AS3MT: variants seen among roughly 807,000 people sequenced by gnomAD.
AS3MT encodes the protein arsenite methyltransferase.
In AS3MT, 47 loss-of-function variants were observed where a neutral mutation model predicts 45.3. The observed-to-expected ratio is 1.04, with a 90% confidence interval of 0.82 to 1.32. AS3MT has a LOEUF of 1.32. AS3MT is among the 40% of genes most tolerant of loss of function. AS3MT has a pLI of 0.00. For missense variants in AS3MT, 396 were observed against 451.1 expected (o/e 0.88, Z 1.11); for synonymous variants, 141 against 152.8 (o/e 0.92, Z 0.57).
At chr10:102,877,647 A>G (rs1306412105) in intron 7 of AS3MT, among the ~76,000 whole-genome samples, 1 of 150,252 alleles carries the variant, frequency 6.7e-6, no homozygotes, top group Non-Finnish European at 1.5e-5. Context: ...CTGAGTCAGG[A>G]GGATTGCTTG....
chr10:102,875,813 A>T (rs1389473723), intron 6 of AS3MT, among the ~76,000 whole-genome samples: 1 of 151,766 alleles, frequency 6.6e-6, no homozygotes, highest in Non-Finnish European at 1.5e-5. Flanking sequence ...AGTAGAGACA[A>T]GATTTCACCA....
At chr10:102,870,614 A>G (rs1844663472) in intron 3 of AS3MT, among the ~76,000 whole-genome samples, 1 of 152,208 alleles carries the variant, frequency 6.6e-6, no homozygotes, top group Non-Finnish European at 1.5e-5. Context: ...GTCCCTACCC[A>G]TGCTCACAGA....
chr10:102,893,645 G>A (rs1323785545), intron 10 of AS3MT, among the ~76,000 whole-genome samples: 1 of 152,044 alleles, frequency 6.6e-6, no homozygotes, highest in Non-Finnish European at 1.5e-5. Context: ...ACAGGTGCGT[G>A]CCACCATGCC....
intron 5 of AS3MT, 42 bp downstream of exon 5, chr10:102,873,275 TTTATTATTA>T (rs547139234): frequency 7.6e-7 from 1 of 1,322,330 alleles, no homozygotes; most frequent in Non-Finnish European, 1.0e-6. Context: ...GCCCATTTTC[TTTATTATTA>T]TTATTATTAT....
At chr10:102,885,552 C>A in intron 9 of AS3MT, among the ~76,000 whole-genome samples, 1 of 36,984 alleles carries the variant, frequency 2.7e-5, no homozygotes, top group Admixed American at 5.0e-4. Context: ...TTTTTTGAGA[C>A]GGAGTCTCGC....
intron 4 of AS3MT, 32 bp downstream of exon 4, chr10:102,872,630 AG>A (rs750316257): frequency 6.4e-7 from 1 of 1,568,422 alleles, no homozygotes; most frequent in Non-Finnish European, 8.6e-7. Flanking sequence ...AAGGAGAAAA[AG>A]ATTCTCAAAA....
rs375494650 is a variant in AS3MT, at chr10:102,873,501, G to T, written c.458+268G>T. 8.5e-5 allele frequency among the ~76,000 whole-genome samples: 13 copies of T among 152,208 alleles called. No individual in the cohort carries two copies. In the East Asian group the frequency reaches 1.2e-3, roughly 14 times the overall value. On this transcript the variant is annotated intron_variant, in intron 5 of 10. Transcript: ENST00000369880. ...GGGTTTCACCATGTTGGCCAGGCTG[G>T]TCTCAAACTCCTGATCTCAGGTGAT...
intron 9 of AS3MT, among the ~76,000 whole-genome samples, chr10:102,888,503 C>A (rs1019860263): frequency 2.6e-5 from 4 of 151,444 alleles, no homozygotes; most frequent in African/African-American, 9.7e-5. Context: ...CTCACTGCAA[C>A]CTCCACCTCC....
rs759723918 is a variant in AS3MT at position 102,890,556 on chromosome 10, G to A, written c.898G>A (p.Val300Ile). 10 of 1,598,216 alleles carry A rather than the reference G, an allele frequency of 6.3e-6. No individual in the cohort carries two copies. The East Asian group carries it at 6.7e-5, about 11-fold the overall frequency. ...ANFTFKEGEIVEVDEETAAIL... is the reference protein window; with the variant it reads ...ANFTFKEGEIIEVDEETAAIL... ...TACTACCCTTTAGGAAGGTGAAATT[G>A]TTGAAGTGGATGAAGAAACAGCAGC... Residue 300 changes from valine to isoleucine, a missense_variant, in exon 10 of 11, where the codon GTT becomes ATT. By Grantham distance (29) the Val-to-Ile change is conservative. Transcript: ENST00000369880.
intron 10 of AS3MT, among the ~76,000 whole-genome samples, chr10:102,897,822 A>G (rs1845203502): frequency 6.6e-6 from 1 of 151,922 alleles, no homozygotes; most frequent in East Asian, 1.9e-4. Flanking sequence ...GCAGATGACC[A>G]TTTTCTTTCT....
chr10:102,890,474 T>A, intron 9 of AS3MT, 70 bp from the exon 10 acceptor site: 1 of 1,347,500 alleles, frequency 7.4e-7, no homozygotes, highest in East Asian at 2.4e-5. Flanking sequence ...AAACGATACT[T>A]CTGGGCATTT....
At chr10:102,896,634 C>T (rs949416809) in intron 10 of AS3MT, among the ~76,000 whole-genome samples, 8 of 151,800 alleles carry the variant, frequency 5.3e-5, no homozygotes, top group Non-Finnish European at 1.0e-4. Context: ...GGTGAAACCC[C>T]GTCTCTACTA....
chr10:102,898,888 C>G (rs1845226547), intron 10 of AS3MT, among the ~76,000 whole-genome samples: 1 of 152,156 alleles, frequency 6.6e-6, no homozygotes, highest in Non-Finnish European at 1.5e-5. Context: ...GATTCTGGAG[C>G]TGGCACTCTA....
intron 9 of AS3MT, among the ~76,000 whole-genome samples, chr10:102,880,476 T>TTC (rs1844855383): frequency 6.6e-6 from 1 of 152,160 alleles, no homozygotes; most frequent in African/African-American, 2.4e-5. Flanking sequence ...CATTTCTCTT[T>TTC]TCTAGGCTTT....
In AS3MT at chr10:102,869,920, C is replaced by T. The variant is rs924649723; in HGVS notation, c.42+75C>T. 3.8e-6 allele frequency: 6 copies of T among 1,592,042 alleles called. No homozygotes were observed. The African/African-American group carries it at 5.4e-5, about 14-fold the overall frequency. On this transcript the variant is annotated intron_variant, in intron 2 of 10. Transcript: ENST00000369880. ...AAGTCTGGCCTGGCCCGCACCCTGTCCCCCGGGACTCCTGGAGTCGGGGTA... is the reference window on the plus strand; with the variant it reads ...AAGTCTGGCCTGGCCCGCACCCTGTTCCCCGGGACTCCTGGAGTCGGGGTA...
chr10:102,900,929 C>CA lies in AS3MT; in HGVS notation c.*237dup, dbSNP rs1026418373. 46 of 389,832 alleles carry CA rather than the reference C, an allele frequency of 1.2e-4. No individual in the cohort carries two copies. Among genetic ancestry groups the CA allele is most frequent in the East Asian group, 9.7e-5 (2 of 20,542 alleles). 24.1% of individuals were successfully genotyped at this position (389,832 alleles called of 1,614,324 possible). On this transcript the variant is annotated 3_prime_UTR_variant, in exon 11 of 11. Transcript: ENST00000369880. ...TGAAATCCTGTCTCTACCAAAAATA[C>CA]AAAAAAAATTAGCTGGGCATGGTGG...
At chr10:102,870,832 G>A (rs971072626) in intron 3 of AS3MT, among the ~76,000 whole-genome samples, 1 of 152,142 alleles carries the variant, frequency 6.6e-6, no homozygotes, top group Non-Finnish European at 1.5e-5. Flanking sequence ...CTACTGCATG[G>A]AGCCTTCTCT....
chr10:102,881,856 C>T lies in AS3MT; in HGVS notation c.885+2865C>T, dbSNP rs1252922055. Among the ~76,000 whole-genome samples, 1 of 152,070 alleles carries T rather than the reference C, an allele frequency of 6.6e-6. No homozygotes were observed. The highest frequency in any genetic ancestry group is 1.5e-5 in the Non-Finnish European group (1 of 68,022). On this transcript the variant is annotated intron_variant, in intron 9 of 10. Transcript: ENST00000369880. This position sits in a 1 kb window ranked among gnomAD's most constrained non-coding sequence, Gnocchi z 4.2. ...GCTCAAGCGATTCTCCCATCTCAGC[C>T]TCCCAAGTAGCTGGGACTACAGGCA...
intron 10 of AS3MT, among the ~76,000 whole-genome samples, chr10:102,892,984 CAAAA>C (rs1845097876): frequency 9.6e-6 from 1 of 104,008 alleles, no homozygotes; most frequent in African/African-American, 4.0e-5. Context: ...GACTCTGTCT[CAAAA>C]TAAATAAATA....
Sources: gnomAD v4.1 joint callset for allele counts (sites outside exome capture counted in the v4.1 genomes callset) on GRCh38, gnomAD v4.1.1 for gene constraint, Gnocchi (gnomAD v3.1) non-coding constraint, MANE v1.5 for transcripts, NCBI Gene and HGNC (gene_info 2026-07-23, HGNC 2026-07-21) for gene names.